Variants in PCDHA7 observed in about 807,000 individuals in gnomAD.
PCDHA7 encodes the protein protocadherin alpha-7.
PCDHA7 carries 37 observed loss-of-function variants against 57.2 expected under a neutral mutation model. The observed-to-expected ratio is 0.65, with a 90% CI of 0.50 to 0.85. The LOEUF (loss-of-function observed/expected upper bound fraction) is 0.85, where lower values mean the gene tolerates loss of function less well. PCDHA7 is among the 40% of genes least tolerant of loss of function. PCDHA7 has a pLI of 0.00. For missense variants in PCDHA7, 1,188 were observed against 1,241.8 expected, an observed-to-expected ratio of 0.96 and a Z score of 0.65; for synonymous variants, 553 against 558.8, an observed-to-expected ratio of 0.99 and a Z score of 0.15.
chr5:140,836,815 A>C, intron 1 of PCDHA7, 77 bp downstream of exon 1: 1 of 1,210,190 alleles, frequency 8.3e-7, no homozygotes, highest in Non-Finnish European at 1.1e-6. Flanking sequence ...TTCTTTCATA[A>C]TTTCTTTTTT....
chr5:140,869,371 A>G (rs559164668), intron 1 of PCDHA7: 1 of 1,614,110 alleles, frequency 6.2e-7, no homozygotes, highest in East Asian at 2.2e-5. Flanking sequence ...GAATTCTCGG[A>G]TCGACCGCGA....
intron 1 of PCDHA7, chr5:140,853,623 A>G: frequency 1.0e-6 from 1 of 988,442 alleles, no homozygotes; most frequent in Non-Finnish European, 1.2e-6. Context: ...AAATAAGTAT[A>G]CAAGATCACA....
Position 141,000,393 on chromosome 5 carries a change from CTCTATA to C in PCDHA7, c.2504-9232_2504-9227del, listed in dbSNP as rs1213195269. 6.1e-3 allele frequency among the ~76,000 whole-genome samples: 322 copies of C among 52,630 alleles called. 2 individuals are homozygous for C. Among genetic ancestry groups the C allele is most frequent in the Admixed American group, 0.01 (36 of 3,506 alleles). 34.5% of individuals were successfully genotyped at this position (52,630 alleles called of 152,430 possible). A position where few individuals can be genotyped will look rare whatever the true frequency, so the allele number is the denominator to read the frequency against. ...TCTCTCTCTCTCTCTCTCTCTCTCT[CTCTATA>C]TATATATATATATATATATATATTT... On this transcript the variant is annotated intron_variant, in intron 3 of 3. Transcript: ENST00000525929.
At chr5:140,860,557 G>C (rs146943384) in intron 1 of PCDHA7, 1 of 152,036 alleles carries the variant, frequency 6.6e-6, no homozygotes, top group African/African-American at 2.4e-5. Context: ...CTTTGAAGAG[G>C]TACTGATCAT....
In PCDHA7 at chr5:140,853,541, G is replaced by C. The variant is rs1554146703; in HGVS notation, c.2355+16803G>C. On this transcript the variant is annotated intron_variant, in intron 1 of 3. Coordinates refer to ENST00000525929, the MANE Select transcript of PCDHA7 (RefSeq NM_018910.3). Reference sequence around the variant, plus strand: ...CTCCTCCTATGTCTCTTTTCAAGTTGTAATTACTATATAGGAAAAACTAAG... The same window carrying C: ...CTCCTCCTATGTCTCTTTTCAAGTTCTAATTACTATATAGGAAAAACTAAG... 3 of 979,204 alleles carry C rather than the reference G, an allele frequency of 3.1e-6. 1 individual carries two copies. The highest frequency in any genetic ancestry group is 3.7e-6 in the Non-Finnish European group (3 of 812,050). 60.7% of individuals were successfully genotyped at this position (979,204 alleles called of 1,614,324 possible). A position where few individuals can be genotyped will look rare whatever the true frequency, so the allele number is the denominator to read the frequency against.
chr5:140,914,783 A>G (rs1445627539), intron 1 of PCDHA7, among the ~76,000 whole-genome samples: 1 of 151,972 alleles, frequency 6.6e-6, no homozygotes, highest in Admixed American at 6.6e-5. Context: ...TTATCTTATG[A>G]CCCATTATTT....
chr5:141,007,470 A>G (rs1395064697), intron 3 of PCDHA7, among the ~76,000 whole-genome samples: 2 of 151,494 alleles, frequency 1.3e-5, no homozygotes. Context: ...CAGGAGGCTG[A>G]GGCACGAGAA....
chr5:140,974,419 C>T (rs998974699), intron 1 of PCDHA7, among the ~76,000 whole-genome samples: 1 of 152,208 alleles, frequency 6.6e-6, no homozygotes, highest in African/African-American at 2.4e-5. Flanking sequence ...GTTTATTTTA[C>T]TTTCCTGGTT....
intron 1 of PCDHA7, among the ~76,000 whole-genome samples, chr5:140,898,137 G>C (rs1554187832): frequency 6.6e-6 from 1 of 152,098 alleles, no homozygotes; most frequent in African/African-American, 2.4e-5. Flanking sequence ...CATTTTGTAG[G>C]TTGCCTGTTC....
chr5:140,989,132 C>T (rs943262599), intron 3 of PCDHA7: 2 of 152,216 alleles, frequency 1.3e-5, no homozygotes, highest in Admixed American at 1.3e-4. Context: ...AAATAAGACA[C>T]TTTATCCCTT....
At position 140,849,582 on chromosome 5, in the gene PCDHA7, G is replaced by A. The variant is rs2150441329; in HGVS notation, c.2355+12844G>A. On this transcript the variant is annotated intron_variant, in intron 1 of 3. Transcript: ENST00000525929. Reference sequence around the variant, plus strand: ...GCTCTCGGTTCCTGTAAAAGAGGACGCACAACTGGGGACAGTTATTGCCCT... The same window carrying A: ...GCTCTCGGTTCCTGTAAAAGAGGACACACAACTGGGGACAGTTATTGCCCT... 80 of 1,598,576 alleles carry A rather than the reference G, an allele frequency of 5.0e-5. 10 individuals are homozygous for A. Among genetic ancestry groups the A allele is most frequent in the Non-Finnish European group, 6.6e-5 (77 of 1,167,978 alleles).
intron 1 of PCDHA7, among the ~76,000 whole-genome samples, chr5:140,840,665 CA>C (rs1776810280): frequency 6.6e-6 from 1 of 151,998 alleles, no homozygotes; most frequent in Admixed American, 6.6e-5. Flanking sequence ...TATGCACATA[CA>C]TTTTTATTAC....
At position 140,841,649 on chromosome 5, in the gene PCDHA7, G is replaced by A. The variant is rs2150320047; in HGVS notation, c.2355+4911G>A. 1.6e-5 allele frequency: 26 copies of A among 1,614,166 alleles called. No homozygotes were observed. In the Admixed American group the frequency reaches 3.2e-4, roughly 20 times the overall value. On this transcript the variant is annotated intron_variant, in intron 1 of 3. Transcript: ENST00000525929. ...GTGCAGCATCCACCTGGAGGTGATCGTGGACAGGCCGCTGCAGGTTTTCCA... is the reference window on the plus strand; with the variant it reads ...GTGCAGCATCCACCTGGAGGTGATCATGGACAGGCCGCTGCAGGTTTTCCA...
chr5:140,982,827 T>G (rs2097010165), intron 3 of PCDHA7, among the ~76,000 whole-genome samples: 1 of 140,992 alleles, frequency 7.1e-6, no homozygotes, highest in Non-Finnish European at 1.6e-5. Flanking sequence ...TTTTTGGGGT[T>G]TGTTTGTTTG....
chr5:140,846,306 A>G (rs1444661370), intron 1 of PCDHA7, among the ~76,000 whole-genome samples: 4 of 147,710 alleles, frequency 2.7e-5, no homozygotes, highest in South Asian at 4.3e-4. Context: ...TAAGTAAACC[A>G]TTTATGTAGA....
Position 140,834,901 on chromosome 5 carries a change from G to T in PCDHA7, c.518G>T (p.Ser173Ile). 1 of 1,600,398 alleles carries T rather than the reference G, an allele frequency of 6.2e-7. No homozygotes were observed. Among genetic ancestry groups the T allele is most frequent in the Non-Finnish European group, 8.5e-7 (1 of 1,173,578 alleles). Residue 173 changes from serine (S) to isoleucine (I), a missense_variant, in exon 1 of 4, where the codon AGC becomes ATC. Around this residue, in one of 3 missense-constraint regions of PCDHA7, gnomAD observed 102 missense variants for 267.4 expected, o/e 0.38. Transcript: ENST00000525929. ...GENALLTYRL[S>I]PNEYFFLDVP... ...AACGCCCTGCTCACTTACAGACTGA[G>T]CCCCAATGAGTATTTCTTCCTGGAC...
At chr5:140,877,605 G>A (rs1554169915) in intron 1 of PCDHA7, 1 of 1,613,856 alleles carries the variant, frequency 6.2e-7, no homozygotes, top group Non-Finnish European at 8.5e-7. Context: ...CCAGCCTGCT[G>A]GTGCTCACGC....
At chr5:140,925,641 T>TATA (rs10569930) in intron 1 of PCDHA7, among the ~76,000 whole-genome samples, 50,126 of 143,032 alleles carry the variant, frequency 0.35, 8,990 homozygotes, top group South Asian at 0.5. Context: ...GAACTTAAAG[T>TATA]ATAATAATAA....
chr5:140,911,953 G>T (rs1554195050), intron 1 of PCDHA7, among the ~76,000 whole-genome samples: 1 of 152,094 alleles, frequency 6.6e-6, no homozygotes, highest in Non-Finnish European at 1.5e-5. Context: ...TAAAGGGGAG[G>T]TTACTAAGGA....
Sources: gnomAD v4.1 joint callset for allele counts (sites outside exome capture counted in the v4.1 genomes callset) on GRCh38, gnomAD v4.1.1 for gene constraint, gnomAD v4.1.1 regional missense constraint, MANE v1.5 for transcripts, NCBI Gene and HGNC (gene_info 2026-07-23, HGNC 2026-07-21) for gene names.